ADARB2: variants seen among roughly 807,000 people sequenced by gnomAD.
The protein encoded by ADARB2 is inactive double-stranded RNA-specific editase B2.
In ADARB2, 25 loss-of-function variants were observed where a neutral mutation model predicts 62.2. The ratio of observed to expected loss-of-function variants is 0.40; its 90% CI spans 0.29 to 0.56. ADARB2 has a LOEUF of 0.56. ADARB2 is among the 20% of genes least tolerant of loss of function. The pLI is 0.43. For synonymous variants in ADARB2, 572 were observed against 500.8 expected, an observed-to-expected ratio of 1.14 and a Z score of -1.90; for missense variants, 1,071 against 1,077.4, an observed-to-expected ratio of 0.99 and a Z score of 0.08.
At position 1,588,322 on chromosome 10, in the gene ADARB2, G is replaced by T. The variant is rs535484700; in HGVS notation, c.100+148729C>A. Among the ~76,000 whole-genome samples, 6 of 152,284 alleles carry T rather than the reference G, an allele frequency of 3.9e-5. No individual in the cohort carries two copies. The East Asian group carries it at 9.7e-4, about 25-fold the overall frequency. ...ATACCCCGGATGCTATGTCAAGGTG[G>T]TTTTTTATCTGCAGCGGGTCCAACA... On this transcript the variant is annotated intron_variant, in intron 1 of 9. Coordinates refer to ENST00000381312, the MANE Select transcript of ADARB2 (RefSeq NM_018702.4).
intron 2 of ADARB2, among the ~76,000 whole-genome samples, chr10:1,369,823 T>G (rs1057007072): frequency 6.6e-6 from 1 of 152,170 alleles, no homozygotes; most frequent in Non-Finnish European, 1.5e-5. Context: ...TGGCTCCCAC[T>G]TTTTGTACTT....
At chr10:1,360,707 C>T (rs1588231745) in intron 3 of ADARB2, among the ~76,000 whole-genome samples, 1 of 152,326 alleles carries the variant, frequency 6.6e-6, no homozygotes, top group East Asian at 1.9e-4. Context: ...GCGTGCAGAG[C>T]AGAGATGAAT....
chr10:1,666,547 T>A (rs559446303), intron 1 of ADARB2, among the ~76,000 whole-genome samples: 1 of 152,372 alleles, frequency 6.6e-6, no homozygotes, highest in Admixed American at 6.5e-5. Context: ...CTCTCCCTGC[T>A]TCCCATGGTC....
At chr10:1,218,382 G>T (rs1431738725) in intron 6 of ADARB2, among the ~76,000 whole-genome samples, 4 of 152,168 alleles carry the variant, frequency 2.6e-5, no homozygotes, top group Non-Finnish European at 5.9e-5. Context: ...GGATTATATT[G>T]TAATATGGAA....
At chr10:1,584,515 G>A (rs1833149107) in intron 1 of ADARB2, among the ~76,000 whole-genome samples, 1 of 152,232 alleles carries the variant, frequency 6.6e-6, no homozygotes, top group African/African-American at 2.4e-5. Context: ...CACAGCTTCT[G>A]TGGATGACAG....
chr10:1,676,520 AT>A (rs1187897197), intron 1 of ADARB2, among the ~76,000 whole-genome samples: 1 of 152,122 alleles, frequency 6.6e-6, no homozygotes, highest in African/African-American at 2.4e-5. Context: ...TTTAAATGGA[AT>A]TTTCCCCCTT....
At chr10:1,530,400 C>T (rs1471150267) in intron 1 of ADARB2, among the ~76,000 whole-genome samples, 1 of 152,220 alleles carries the variant, frequency 6.6e-6, no homozygotes, top group Non-Finnish European at 1.5e-5. Context: ...AAACCCAGCA[C>T]CCGGGCCACA....
intron 3 of ADARB2, among the ~76,000 whole-genome samples, chr10:1,349,985 C>G (rs1450677918): frequency 6.6e-6 from 1 of 152,104 alleles, no homozygotes; most frequent in Non-Finnish European, 1.5e-5. Flanking sequence ...CTATGGGCAA[C>G]TTTCCACCCT....
In ADARB2 at chr10:1,687,029, C is replaced by CTTTTT. The variant is rs397952487; in HGVS notation, c.100+50017_100+50021dup. Among the ~76,000 whole-genome samples the CTTTTT allele has an allele frequency of 1.2e-4, 15 of 128,986 alleles. 2 individuals carry two copies. The highest frequency in any genetic ancestry group is 3.3e-4 in the African/African-American group (11 of 33,808). 84.6% of individuals were successfully genotyped at this position (128,986 alleles called of 152,430 possible). A position where few individuals can be genotyped will look rare whatever the true frequency, so the allele number is the denominator to read the frequency against. On this transcript the variant is annotated intron_variant, in intron 1 of 9. Coordinates refer to ENST00000381312, the MANE Select transcript of ADARB2 (RefSeq NM_018702.4). ...TGCCTCCCATGGGTCATGACATTGCCTTTTTTTTTTTTTTTTTTGACAAGT... is the reference window on the plus strand; with the variant it reads ...TGCCTCCCATGGGTCATGACATTGCCTTTTTTTTTTTTTTTTTTTTTTTGACAAGT...
chr10:1,510,168 CTT>C (rs368944808), intron 1 of ADARB2, among the ~76,000 whole-genome samples: 74 of 45,832 alleles, frequency 1.6e-3, no homozygotes, highest in East Asian at 3.9e-3. Context: ...TTCTTTCTTT[CTT>C]TTTCTTTCTT....
At chr10:1,651,879 C>T (rs576857783) in intron 1 of ADARB2, among the ~76,000 whole-genome samples, 1 of 152,266 alleles carries the variant, frequency 6.6e-6, no homozygotes. Context: ...CCAGTGGGAG[C>T]AGAGCCTGCC....
intron 1 of ADARB2, chr10:1,535,145 C>T (rs1047315757): frequency 6.1e-6 from 1 of 163,574 alleles, no homozygotes; most frequent in Admixed American, 6.5e-5. Context: ...GGCTCCTGCT[C>T]TGATCCATGA....
chr10:1,498,931 C>G (rs563060743), intron 1 of ADARB2, among the ~76,000 whole-genome samples: 1 of 152,216 alleles, frequency 6.6e-6, no homozygotes, highest in East Asian at 1.9e-4. Context: ...ATTCATCATT[C>G]ATCGCTCACT....
intron 3 of ADARB2, among the ~76,000 whole-genome samples, chr10:1,322,391 A>C (rs1238984139): frequency 2.0e-5 from 3 of 152,184 alleles, no homozygotes; most frequent in Non-Finnish European, 4.4e-5. Context: ...TACTTCTTCT[A>C]ATTCTCCAAA....
chr10:1,655,927 A>G (rs756041918), intron 1 of ADARB2, among the ~76,000 whole-genome samples: 1 of 152,244 alleles, frequency 6.6e-6, no homozygotes, highest in Non-Finnish European at 1.5e-5. Context: ...GGTTTCACTA[A>G]AAGTTGTATT....
At chr10:1,546,892 C>A (rs1467013062) in intron 1 of ADARB2, among the ~76,000 whole-genome samples, 1 of 152,238 alleles carries the variant, frequency 6.6e-6, no homozygotes, top group East Asian at 1.9e-4. Flanking sequence ...TGAGGGCTGG[C>A]TGGAGGCAGG....
At chr10:1,600,661 CAAAAAAA>C (rs71379153) in intron 1 of ADARB2, among the ~76,000 whole-genome samples, 12 of 70,670 alleles carry the variant, frequency 1.7e-4, no homozygotes, top group Admixed American at 2.0e-4. Context: ...GACTCTGTCT[CAAAAAAA>C]AAAAAAAAAA....
intron 1 of ADARB2, among the ~76,000 whole-genome samples, chr10:1,593,339 CCA>C (rs1446117496): frequency 6.7e-6 from 1 of 149,320 alleles, no homozygotes; most frequent in South Asian, 2.1e-4. Flanking sequence ...CTGGCCCAAA[CCA>C]CACTCTGTAG....
chr10:1,685,999 G>T (rs556880839), intron 1 of ADARB2, among the ~76,000 whole-genome samples: 1 of 152,228 alleles, frequency 6.6e-6, no homozygotes, highest in Admixed American at 6.5e-5. Context: ...CAGCCTTCCC[G>T]GACTGGCTTC....
Sources: gnomAD v4.1 joint callset for allele counts (sites outside exome capture counted in the v4.1 genomes callset) on GRCh38, gnomAD v4.1.1 for gene constraint, MANE v1.5 for transcripts, NCBI Gene and HGNC (gene_info 2026-07-23, HGNC 2026-07-21) for gene names.